The following ATP10B variants were observed in gnomAD, a reference collection of about 807,000 sequenced individuals.
ATP10B encodes the protein ATPase phospholipid transporting 10B (putative), also known as phospholipid-transporting ATPase VB.
A neutral mutation model predicts 141.2 loss-of-function variants in ATP10B; 122 were observed. The observed-to-expected ratio is 0.86, with a 90% CI of 0.75 to 1.00. ATP10B has a LOEUF of 1.00. Ranked by LOEUF, ATP10B falls within the 50% of genes least tolerant of loss-of-function variation. The probability of loss-of-function intolerance (pLI) is 0.00; values close to 1 mark genes in which losing one functional copy is unlikely to be tolerated. For missense variants in ATP10B, 1,876 were observed against 1,825.3 expected, an observed-to-expected ratio of 1.03 and a Z score of -0.51; for synonymous variants, 685 against 692.0, an observed-to-expected ratio of 0.99 and a Z score of 0.16.
intron 1 of ATP10B, among the ~76,000 whole-genome samples, chr5:160,820,426 G>A (rs1774011430): frequency 6.6e-6 from 1 of 151,938 alleles, no homozygotes; most frequent in Non-Finnish European, 1.5e-5. Context: ...AAAAGCCTGG[G>A]ACCTCATGGC....
intron 2 of ATP10B, among the ~76,000 whole-genome samples, chr5:160,755,822 AAAAAAAAAAAAAAAAAAT>A (rs1460404375): frequency 4.1e-4 from 23 of 56,602 alleles, no homozygotes; most frequent in Non-Finnish European, 6.3e-4. Flanking sequence ...CTCAAAAAAA[AAAAAAAAAAAAAAAAAAT>A]ATATATATAT....
chr5:160,916,845 T>C, the ATP10B span, among the ~76,000 whole-genome samples: 1 of 152,166 alleles, frequency 6.6e-6, no homozygotes, highest in African/African-American at 2.4e-5. Context: ...GTTCAGTGGA[T>C]TCTAAGCCTT....
At chr5:160,699,109 C>A (rs1165323188) in intron 3 of ATP10B, among the ~76,000 whole-genome samples, 1 of 152,180 alleles carries the variant, frequency 6.6e-6, no homozygotes, top group Non-Finnish European at 1.5e-5. Context: ...TTCCCATTTT[C>A]TTCCCTTTAT....
chr5:160,866,189 GA>G, the ATP10B span, among the ~76,000 whole-genome samples: 2 of 152,088 alleles, frequency 1.3e-5, no homozygotes, highest in African/African-American at 4.8e-5. Context: ...AACAAGTGAA[GA>G]AAATGTGGTA....
chr5:160,757,037 C>T lies in ATP10B; in HGVS notation c.-331+28522G>A, dbSNP rs530467842. Among the ~76,000 whole-genome samples the T allele has an allele frequency of 5.9e-5, 9 of 151,992 alleles. No individual in the cohort carries two copies. In the East Asian group the frequency reaches 1.7e-3, roughly 29 times the overall value. On this transcript the variant is annotated intron_variant, in intron 2 of 25. Transcript: ENST00000327245. The stretch of plus-strand genomic sequence containing the variant: ...TCTTCACTGAGCTCAAGGTCACTAA[C>T]TTTTTTTTCTTTCTTAAAATACATT...
intron 2 of ATP10B, among the ~76,000 whole-genome samples, chr5:160,764,272 A>G (rs1186249262): frequency 6.6e-6 from 1 of 151,856 alleles, no homozygotes; most frequent in African/African-American, 2.4e-5. Flanking sequence ...ACAAAACTAC[A>G]GACCAATATC....
intron 2 of ATP10B, among the ~76,000 whole-genome samples, chr5:160,772,304 C>A (rs935272914): frequency 1.3e-5 from 2 of 152,224 alleles, no homozygotes; most frequent in African/African-American, 2.4e-5. Context: ...ATGATGCCTG[C>A]AAAGTGTATC....
chr5:160,781,642 AGT>A (rs1770720123), intron 2 of ATP10B, among the ~76,000 whole-genome samples: 2 of 152,184 alleles, frequency 1.3e-5, no homozygotes, highest in Admixed American at 1.3e-4. Context: ...TTCATTTTCC[AGT>A]GTGTTTTGGA....
rs1178604907 is a variant in ATP10B at position 160,685,179 on chromosome 5, G to T, written c.470+900C>A. The T allele has an allele frequency of 6.3e-6, 4 of 630,772 alleles. No homozygotes were observed. In the East Asian group the frequency reaches 1.1e-4, roughly 18 times the overall value. The allele number at this position is 630,772 out of a possible 1,614,324, so 39.1% of individuals were successfully genotyped here. A position where few individuals can be genotyped will look rare whatever the true frequency, so the allele number is the denominator to read the frequency against. ...AGTTAGAGACCACTACTCGCTTCTT[G>T]TCTTCTTTTCTTTTCCACCTTTTCC... On this transcript the variant is annotated intron_variant, in intron 6 of 25. Transcript: ENST00000327245.
the ATP10B span, among the ~76,000 whole-genome samples, chr5:160,878,830 A>T: frequency 5.2e-3 from 786 of 150,734 alleles, 5 homozygotes; most frequent in African/African-American, 0.018. Context: ...TCAAAACCAC[A>T]ATGAGATACC....
chr5:160,647,714 G>A (rs576978836), intron 8 of ATP10B, among the ~76,000 whole-genome samples: 14 of 152,272 alleles, frequency 9.2e-5, no homozygotes, highest in South Asian at 2.1e-4. Flanking sequence ...CACAAGGGGC[G>A]CCCTTCTCTT....
chr5:160,874,054 G>A, the ATP10B span, among the ~76,000 whole-genome samples: 21,869 of 152,130 alleles, frequency 0.14, 1,644 homozygotes, highest in African/African-American at 0.17. Flanking sequence ...AGGCCTGCCT[G>A]CCTCTGTAGG....
chr5:160,774,167 A>G (rs1265473644), intron 2 of ATP10B, among the ~76,000 whole-genome samples: 3 of 117,760 alleles, frequency 2.5e-5, no homozygotes, highest in Non-Finnish European at 4.1e-5. Context: ...GGAGGTGGAC[A>G]TACAAAGTAA....
chr5:160,738,376 T>C (rs1381685978), intron 2 of ATP10B, among the ~76,000 whole-genome samples: 1 of 151,964 alleles, frequency 6.6e-6, no homozygotes, highest in African/African-American at 2.4e-5. Context: ...TAGAAAAACA[T>C]CAAATTTAAA....
In ATP10B at chr5:160,808,319, C is replaced by T. The variant is rs1295868964; in HGVS notation, c.-575-22516G>A. On this transcript the variant is annotated intron_variant, in intron 1 of 25. Coordinates refer to ENST00000327245, the MANE Select transcript of ATP10B (RefSeq NM_025153.3). ...TGCGATTTTATTATTCTGATATCCC[C>T]GGAAATGGTGATTGTAGCATATTCC... Among the ~76,000 whole-genome samples, 5 of 152,124 alleles carry T rather than the reference C, an allele frequency of 3.3e-5. No homozygotes were observed. In the East Asian group the frequency reaches 5.8e-4, roughly 18 times the overall value.
At chr5:160,742,296 TG>T (rs1767532246) in intron 2 of ATP10B, among the ~76,000 whole-genome samples, 1 of 152,102 alleles carries the variant, frequency 6.6e-6, no homozygotes, top group Non-Finnish European at 1.5e-5. Context: ...TGCATGCTAA[TG>T]ACATCCCCCC....
the ATP10B span, among the ~76,000 whole-genome samples, chr5:160,863,967 CAA>C: frequency 2.0e-5 from 3 of 151,876 alleles, no homozygotes; most frequent in South Asian, 6.2e-4. Flanking sequence ...GTATTGCCAA[CAA>C]AAAAGTGCAG....
chr5:160,565,170 G>A lies in ATP10B; in HGVS notation c.*283C>T. ...TCTAGAGGGTCAGAAGAATGGCTTT[G>A]GTCTAAACCGATTTGAGAACTCGAT... On this transcript the variant is annotated 3_prime_UTR_variant, in exon 26 of 26. Transcript: ENST00000327245. 2.3e-6 allele frequency: 1 copy of A among 443,492 alleles called. No homozygotes were observed. The highest frequency in any genetic ancestry group is 2.8e-5 in the South Asian group (1 of 35,750). 27.5% of individuals were successfully genotyped at this position (443,492 alleles called of 1,614,324 possible).
intron 14 of ATP10B, 60 bp from the exon 15 acceptor site, chr5:160,621,010 G>T (rs1758316875): frequency 6.5e-7 from 1 of 1,531,716 alleles, no homozygotes; most frequent in Non-Finnish European, 8.8e-7. Context: ...ATACCAAGTT[G>T]TCTTATGCGG....
Sources: gnomAD v4.1 joint callset for allele counts (sites outside exome capture counted in the v4.1 genomes callset) on GRCh38, gnomAD v4.1.1 for gene constraint, MANE v1.5 for transcripts, NCBI Gene and HGNC (gene_info 2026-07-23, HGNC 2026-07-21) for gene names.